FAIM: variants seen among roughly 807,000 people sequenced by gnomAD.
The protein encoded by FAIM is Fas apoptotic inhibitory molecule.
In FAIM, 14 loss-of-function variants were observed where a neutral mutation model predicts 21.2. That is an observed-to-expected ratio of 0.66 (90% confidence interval 0.44 to 1.03). The LOEUF (loss-of-function observed/expected upper bound fraction) is 1.03, where lower values mean the gene tolerates loss of function less well. FAIM is among the 50% of genes least tolerant of loss of function. The pLI is 0.00. For synonymous variants in FAIM, 86 were observed against 80.4 expected (o/e 1.07, Z -0.37); for missense variants, 222 against 247.1 (o/e 0.90, Z 0.68).
intron 4 of FAIM, among the ~76,000 whole-genome samples, chr3:138,625,409 G>A (rs1189132789): frequency 2.0e-5 from 3 of 151,852 alleles, no homozygotes; most frequent in East Asian, 1.9e-4. Flanking sequence ...GTTGCAGTGA[G>A]CTGAGATTGC....
In FAIM at chr3:138,633,065, G is replaced by C; in HGVS notation, c.592G>C (p.Glu198Gln). 1 of 1,612,148 alleles carries C rather than the reference G, an allele frequency of 6.2e-7. No homozygotes were observed. The highest frequency in any genetic ancestry group is 8.5e-7 in the Non-Finnish European group (1 of 1,179,332). Reference sequence around the variant, plus strand: ...CATTGTGGATAATAGAGAAATCCCAGAGATTGCAAGTTAATGAATTTTCAT... The same window carrying C: ...CATTGTGGATAATAGAGAAATCCCACAGATTGCAAGTTAATGAATTTTCAT... ...TLIVDNREIPEIAS is the reference protein window; with the variant it reads ...TLIVDNREIPQIAS Residue 198 changes from glutamate to glutamine, a missense_variant, in exon 6 of 6, where the codon GAG becomes CAG. Physicochemically the swap from Glu to Gln is conservative, Grantham distance 29 (BLOSUM62 2). Transcript: ENST00000360570.
chr3:138,617,839 T>C (rs1418489576), intron 1 of FAIM, among the ~76,000 whole-genome samples: 1 of 146,718 alleles, frequency 6.8e-6, no homozygotes, highest in Non-Finnish European at 1.5e-5. Context: ...AGTATATATC[T>C]ATATATTATC....
At chr3:138,617,891 A>C (rs535482904) in intron 1 of FAIM, among the ~76,000 whole-genome samples, 195 of 146,940 alleles carry the variant, frequency 1.3e-3, no homozygotes, top group African/African-American at 4.6e-3. Context: ...GATCATATAG[A>C]TATAGATACT....
intron 5 of FAIM, 191 bp downstream of exon 5, chr3:138,629,347 A>C: frequency 2.0e-6 from 1 of 490,818 alleles, no homozygotes; most frequent in Non-Finnish European, 3.6e-6. Flanking sequence ...GTGAGTTTGG[A>C]AACAACTCAT....
At chr3:138,612,952 A>C (rs1480397033) in intron 1 of FAIM, among the ~76,000 whole-genome samples, 1 of 149,642 alleles carries the variant, frequency 6.7e-6, no homozygotes, top group African/African-American at 2.5e-5. Context: ...GCATCTTTTC[A>C]TGTGCTTATT....
At chr3:138,625,683 A>G (rs2108351704) in intron 4 of FAIM, among the ~76,000 whole-genome samples, 1 of 152,288 alleles carries the variant, frequency 6.6e-6, no homozygotes, top group East Asian at 1.9e-4. Context: ...ATTATGATTT[A>G]CTAAGGTCAT....
At chr3:138,626,003 G>A (rs983221163) in intron 4 of FAIM, among the ~76,000 whole-genome samples, 6 of 152,212 alleles carry the variant, frequency 3.9e-5, no homozygotes, top group Non-Finnish European at 8.8e-5. Context: ...AAGCTGGCAG[G>A]AGGAAAGTAC....
chr3:138,610,663 A>T, intron 1 of FAIM: 1 of 249,330 alleles, frequency 4.0e-6, no homozygotes, highest in Non-Finnish European at 7.8e-6. Context: ...GCTCACTGCA[A>T]CCTCCACCTC....
At position 138,633,157 on chromosome 3, in the gene FAIM, C is replaced by A. The variant is rs915578891; in HGVS notation, c.*78C>A. On this transcript the variant is annotated 3_prime_UTR_variant, in exon 6 of 6. Coordinates refer to ENST00000360570, the MANE Select transcript of FAIM (RefSeq NM_001033031.2). ...TTAAATGTGTTCAGTATGTACTTAT[C>A]AGTACATTTAGTCTGCAATGTTTTA... is the stretch of plus-strand genomic sequence containing the variant. 40 of 1,227,498 alleles carry A rather than the reference C, an allele frequency of 3.3e-5. No individual in the cohort carries two copies. The highest frequency in any genetic ancestry group is 4.1e-5 in the Non-Finnish European group (37 of 891,696). The allele number at this position is 1,227,498 out of a possible 1,614,324, so 76.0% of individuals were successfully genotyped here.
At chr3:138,621,809 G>A (rs2042889102) in intron 3 of FAIM, among the ~76,000 whole-genome samples, 7 of 151,158 alleles carry the variant, frequency 4.6e-5, no homozygotes, top group Admixed American at 1.3e-4. Context: ...TTGAGACGGA[G>A]TCTCGCTGTG....
chr3:138,620,090 G>A (rs1191573420), intron 2 of FAIM, among the ~76,000 whole-genome samples: 1 of 152,100 alleles, frequency 6.6e-6, no homozygotes, highest in Non-Finnish European at 1.5e-5. Flanking sequence ...AGGAGATTAG[G>A]GCGAACAAAG....
chr3:138,626,682 CATATT>C (rs1486209364), intron 4 of FAIM, among the ~76,000 whole-genome samples: 5 of 152,164 alleles, frequency 3.3e-5, no homozygotes, highest in Admixed American at 6.5e-5. Flanking sequence ...GAACAGGACA[CATATT>C]ATATTAGTAC....
In FAIM at chr3:138,621,782, T is replaced by C. The variant is rs1403137375; in HGVS notation, c.177+243T>C. ...CATCATAAATTAATAAAATTACATC[T>C]TTTTTTTTTCTTTTTTTTGAGACGG... On this transcript the variant is annotated intron_variant, in intron 3 of 5. Transcript: ENST00000360570. Among the ~76,000 whole-genome samples the C allele has an allele frequency of 3.3e-5, 5 of 150,356 alleles. No homozygotes were observed. The East Asian group carries it at 7.8e-4, about 23-fold the overall frequency.
At position 138,632,623 on chromosome 3, in the gene FAIM, A is replaced by G. The variant is rs533467464; in HGVS notation, c.457-307A>G. ...GTAGATCACTTGAGGTATATTATAA[A>G]TAACTAATAAATGTCATATTTATCA... On this transcript the variant is annotated intron_variant, in intron 5 of 5. Coordinates refer to ENST00000360570, the MANE Select transcript of FAIM (RefSeq NM_001033031.2). 2.6e-5 allele frequency among the ~76,000 whole-genome samples: 4 copies of G among 152,302 alleles called. No homozygotes were observed. In the South Asian group the frequency reaches 8.3e-4, roughly 32 times the overall value.
At chr3:138,628,191 A>ATTTTTTAC (rs2042960484) in intron 4 of FAIM, among the ~76,000 whole-genome samples, 1 of 152,028 alleles carries the variant, frequency 6.6e-6, no homozygotes, top group South Asian at 2.1e-4. Flanking sequence ...AGCTATACCT[A>ATTTTTTAC]TTTTTTACTT....
chr3:138,624,058 G>A (rs1459270285), intron 4 of FAIM, among the ~76,000 whole-genome samples: 1 of 152,004 alleles, frequency 6.6e-6, no homozygotes, highest in African/African-American at 2.4e-5. Context: ...GAAGGTTTTG[G>A]GAGCTCATCT....
chr3:138,625,935 G>A (rs535933495), intron 4 of FAIM, among the ~76,000 whole-genome samples: 8 of 152,228 alleles, frequency 5.3e-5, no homozygotes, highest in African/African-American at 1.9e-4. Context: ...AAACAGGGTT[G>A]GTTAGCATTC....
At position 138,632,940 on chromosome 3, in the gene FAIM, T is replaced by C. The variant is rs1390950530; in HGVS notation, c.467T>C (p.Val156Ala). Residue 156 changes from valine (V) to alanine (A), a missense_variant, in exon 6 of 6, where the codon GTA becomes GCA. Val to Ala is a moderately conservative substitution (Grantham distance 64). Transcript: ENST00000360570. ...GKKLETAGEF[V>A]DDGTETHFSI... ...CTTTTGTTGCTCCAGGGTGAGTTTG[T>C]AGATGATGGGACTGAAACTCACTTC... 3.8e-5 allele frequency: 61 copies of C among 1,612,884 alleles called. No individual in the cohort carries two copies. The highest frequency in any genetic ancestry group is 5.1e-5 in the Non-Finnish European group (60 of 1,179,574).
chr3:138,609,257 G>A (rs930509173), intron 1 of FAIM: 1 of 151,792 alleles, frequency 6.6e-6, no homozygotes, highest in Non-Finnish European at 1.5e-5. Flanking sequence ...CGCGGGGCGC[G>A]GGGCCAGCCC....
Sources: gnomAD v4.1 joint callset for allele counts (sites outside exome capture counted in the v4.1 genomes callset) on GRCh38, gnomAD v4.1.1 for gene constraint, MANE v1.5 for transcripts, NCBI Gene and HGNC (gene_info 2026-07-23, HGNC 2026-07-21) for gene names.